ZNF385D: variants seen among roughly 807,000 people sequenced by gnomAD.
ZNF385D encodes the protein zinc finger protein 385D.
ZNF385D carries 15 observed loss-of-function variants against 35.8 expected under a neutral mutation model. The ratio of observed to expected loss-of-function variants is 0.42; its 90% CI spans 0.28 to 0.64. The LOEUF (loss-of-function observed/expected upper bound fraction) is 0.64. Among genes scored for constraint, ZNF385D ranks in the 30% least tolerant of loss-of-function variants. The probability of loss-of-function intolerance (pLI) is 0.23; values close to 1 mark genes in which losing one functional copy is unlikely to be tolerated. For missense variants in ZNF385D, 474 were observed against 494.6 expected (o/e 0.96, Z 0.39); for synonymous variants, 212 against 186.8 (o/e 1.13, Z -1.10).
chr3:22,337,346 C>A (rs1169925959), intron 2 of ZNF385D, among the ~76,000 whole-genome samples: 3 of 152,064 alleles, frequency 2.0e-5, no homozygotes, highest in Non-Finnish European at 4.4e-5. Context: ...CCAGCCTGGA[C>A]AACAGGGTGA....
At chr3:21,972,519 T>C (rs1374537084) in intron 3 of ZNF385D, among the ~76,000 whole-genome samples, 1 of 151,874 alleles carries the variant, frequency 6.6e-6, no homozygotes, top group Admixed American at 6.6e-5. Context: ...TGGTGTATTT[T>C]AGAGAAGTAG....
At chr3:21,808,527 G>C (rs116582576) in intron 3 of ZNF385D, among the ~76,000 whole-genome samples, 44 of 152,290 alleles carry the variant, frequency 2.9e-4, no homozygotes, top group African/African-American at 9.9e-4. Flanking sequence ...GGAAGAAAAA[G>C]AACGCTGTTG....
At chr3:21,797,438 C>G (rs2072203909) in intron 3 of ZNF385D, among the ~76,000 whole-genome samples, 1 of 152,120 alleles carries the variant, frequency 6.6e-6, no homozygotes, top group Non-Finnish European at 1.5e-5. Context: ...TGGTTTCTTA[C>G]AAAACTAAAC....
chr3:22,143,356 T>C lies in ZNF385D; in HGVS notation c.325+25461A>G, dbSNP rs538744284. 1.1e-4 allele frequency among the ~76,000 whole-genome samples: 16 copies of C among 152,244 alleles called. No homozygotes were observed. The East Asian group carries it at 3.1e-3, about 29-fold the overall frequency. On this transcript the variant is annotated intron_variant, in intron 3 of 5. Transcript: ENST00000494108. ...GCCTCGGCCTCCCAAAGCGCTAGGA[T>C]TACAGGCATGAGCCACCAAAATCGG...
chr3:21,454,135 A>G (rs1702632229), intron 4 of ZNF385D, among the ~76,000 whole-genome samples: 1 of 152,080 alleles, frequency 6.6e-6, no homozygotes, highest in South Asian at 2.1e-4. Flanking sequence ...TATACGAAAC[A>G]TCCAGAATAA....
chr3:21,731,762 A>T (rs563686401), intron 1 of ZNF385D, among the ~76,000 whole-genome samples: 2 of 152,310 alleles, frequency 1.3e-5, no homozygotes, highest in South Asian at 4.1e-4. Context: ...CACAGTTCAA[A>T]CTCATGTCAT....
chr3:21,425,987 A>G (rs147282329), intron 5 of ZNF385D, among the ~76,000 whole-genome samples: 47 of 152,312 alleles, frequency 3.1e-4, no homozygotes, highest in African/African-American at 1.0e-3. Context: ...CCTGAGGGGA[A>G]ATGAAATGGG....
chr3:22,357,584 A>C (rs1696212320), intron 2 of ZNF385D, among the ~76,000 whole-genome samples: 1 of 151,720 alleles, frequency 6.6e-6, no homozygotes, highest in Non-Finnish European at 1.5e-5. Flanking sequence ...AACTATCAAA[A>C]TCCTAAAATT....
chr3:22,303,808 G>C (rs534757816), intron 2 of ZNF385D, among the ~76,000 whole-genome samples: 2 of 151,468 alleles, frequency 1.3e-5, no homozygotes, highest in East Asian at 3.9e-4. Context: ...ATGGAGTTTT[G>C]CTCTTGTTGC....
At chr3:22,288,190 AT>A (rs1362369613) in intron 2 of ZNF385D, among the ~76,000 whole-genome samples, 3 of 152,044 alleles carry the variant, frequency 2.0e-5, no homozygotes, top group African/African-American at 7.2e-5. Flanking sequence ...AAATTTTCTA[AT>A]TTTGATAATT....
intron 3 of ZNF385D, among the ~76,000 whole-genome samples, chr3:21,967,418 G>C (rs923296261): frequency 6.6e-6 from 1 of 152,064 alleles, no homozygotes; most frequent in Non-Finnish European, 1.5e-5. Context: ...AGCTATTTTG[G>C]ATTATTTTAT....
At chr3:22,270,904 C>A (rs981695733) in intron 2 of ZNF385D, among the ~76,000 whole-genome samples, 1 of 151,996 alleles carries the variant, frequency 6.6e-6, no homozygotes, top group Non-Finnish European at 1.5e-5. Flanking sequence ...ATCACACAAA[C>A]TTCTTACTGT....
At chr3:22,043,168 G>T (rs1303150841) in intron 3 of ZNF385D, among the ~76,000 whole-genome samples, 1 of 152,100 alleles carries the variant, frequency 6.6e-6, no homozygotes, top group East Asian at 1.9e-4. Flanking sequence ...TATCCCTAAT[G>T]TTAAGAAAAC....
At chr3:21,765,643 C>CA (rs5847134) in intron 3 of ZNF385D, among the ~76,000 whole-genome samples, 56,361 of 148,314 alleles carry the variant, frequency 0.38, 10,751 homozygotes, top group Middle Eastern at 0.53. Flanking sequence ...GCAACAACAA[C>CA]AAAAAAAAAA....
At chr3:21,850,787 G>T (rs1469188917) in intron 3 of ZNF385D, among the ~76,000 whole-genome samples, 1 of 152,036 alleles carries the variant, frequency 6.6e-6, no homozygotes, top group Non-Finnish European at 1.5e-5. Context: ...GAATAAACTG[G>T]CCTTAGGTAA....
At chr3:21,918,429 C>T (rs774457898) in intron 3 of ZNF385D, among the ~76,000 whole-genome samples, 3 of 144,154 alleles carry the variant, frequency 2.1e-5, no homozygotes, top group Non-Finnish European at 4.6e-5. Context: ...AAAGTAGGGA[C>T]TTTTAAGTGA....
chr3:22,079,175 G>T (rs1176086913), intron 3 of ZNF385D, among the ~76,000 whole-genome samples: 1 of 151,988 alleles, frequency 6.6e-6, no homozygotes, highest in Non-Finnish European at 1.5e-5. Flanking sequence ...CTAAACTTGA[G>T]TGCCACAGTA....
At chr3:22,369,634 G>C (rs562576249) in intron 2 of ZNF385D, among the ~76,000 whole-genome samples, 1 of 152,094 alleles carries the variant, frequency 6.6e-6, no homozygotes, top group East Asian at 1.9e-4. Flanking sequence ...AATATTAATA[G>C]CATTAGCATC....
intron 3 of ZNF385D, among the ~76,000 whole-genome samples, chr3:22,064,843 G>A (rs1347243286): frequency 2.0e-5 from 3 of 152,172 alleles, no homozygotes; most frequent in Admixed American, 2.0e-4. Context: ...TAGAGAGGAG[G>A]AAGAATCTTT....
Sources: allele counts gnomAD v4.1 joint callset (sites outside exome capture counted in the v4.1 genomes callset), GRCh38; gene constraint gnomAD v4.1.1; transcripts MANE v1.5; gene names NCBI Gene and HGNC (gene_info 2026-07-23, HGNC 2026-07-21).